Variants in CLYBL observed in about 807,000 individuals in gnomAD.
The protein encoded by CLYBL is citramalyl-CoA lyase.
A neutral mutation model predicts 38.9 loss-of-function variants in CLYBL; 31 were observed. The observed-to-expected ratio is 0.80, with a 90% CI of 0.60 to 1.08. The LOEUF (loss-of-function observed/expected upper bound fraction) is 1.08, where lower values mean the gene tolerates loss of function less well. Ranked by LOEUF, CLYBL falls within the 50% of genes least tolerant of loss-of-function variation. The probability of loss-of-function intolerance (pLI) is 0.00; values close to 1 mark genes in which losing one functional copy is unlikely to be tolerated. For missense variants in CLYBL, 434 were observed against 411.6 expected (o/e 1.05, Z -0.47); for synonymous variants, 171 against 158.6 (o/e 1.08, Z -0.59).
chr13:99,860,966 G>A (rs1019426807), intron 3 of CLYBL, among the ~76,000 whole-genome samples: 1 of 152,128 alleles, frequency 6.6e-6, no homozygotes, highest in East Asian at 1.9e-4. Flanking sequence ...CACAAATCCC[G>A]AACAGTGTGC....
intron 1 of CLYBL, among the ~76,000 whole-genome samples, chr13:99,724,405 C>G (rs1405392180): frequency 6.6e-6 from 1 of 152,044 alleles, no homozygotes; most frequent in Non-Finnish European, 1.5e-5. Flanking sequence ...TCAACAAACA[C>G]TTTGAGGAAA....
intron 9 of CLYBL, among the ~76,000 whole-genome samples, chr13:99,906,644 G>A (rs2052701401): frequency 6.6e-6 from 1 of 152,026 alleles, no homozygotes; most frequent in African/African-American, 2.4e-5. Context: ...GGCTGGTCTC[G>A]AGCTCCTGAC....
At chr13:99,866,146 T>A (rs2390354) in intron 5 of CLYBL, 94 bp from the exon 6 acceptor site, 941,566 of 1,236,366 alleles carry the variant, frequency 0.76, 360,775 homozygotes, top group East Asian at 0.98. Flanking sequence ...CCAGGGAGGT[T>A]TAGATATCTG....
At chr13:99,817,740 T>C (rs1425828784) in intron 2 of CLYBL, among the ~76,000 whole-genome samples, 9 of 151,016 alleles carry the variant, frequency 6.0e-5, no homozygotes, top group Non-Finnish European at 1.2e-4. Context: ...TGGTGGCTCA[T>C]GCCTATAATC....
At chr13:99,858,837 T>C in intron 2 of CLYBL, 24 bp from the exon 3 acceptor site, 1 of 1,554,698 alleles carries the variant, frequency 6.4e-7, no homozygotes, top group East Asian at 2.3e-5. Context: ...AAATAAACAA[T>C]AAACTTTTTA....
chr13:99,636,144 T>C (rs1030592479), intron 1 of CLYBL, among the ~76,000 whole-genome samples: 1 of 152,200 alleles, frequency 6.6e-6, no homozygotes, highest in Admixed American at 6.5e-5. Context: ...TTCAAAGCTT[T>C]ATATATATTT....
At chr13:99,823,425 G>A (rs2050624976) in intron 2 of CLYBL, among the ~76,000 whole-genome samples, 1 of 152,152 alleles carries the variant, frequency 6.6e-6, no homozygotes. Flanking sequence ...GATCACACAA[G>A]ATATTTTCAT....
chr13:99,800,894 C>CAAA (rs1389621348), intron 2 of CLYBL, among the ~76,000 whole-genome samples: 1 of 114,506 alleles, frequency 8.7e-6, no homozygotes, highest in Non-Finnish European at 2.0e-5. Flanking sequence ...ACAACAACAA[C>CAAA]AAAAAAAAAA....
chr13:99,716,593 A>T (rs1440207733), intron 1 of CLYBL, among the ~76,000 whole-genome samples: 1 of 151,422 alleles, frequency 6.6e-6, no homozygotes, highest in African/African-American at 2.4e-5. Context: ...CATGTTGGTC[A>T]GGCTGGTCTC....
At chr13:99,821,143 TC>T (rs1488356057) in intron 2 of CLYBL, among the ~76,000 whole-genome samples, 1 of 152,222 alleles carries the variant, frequency 6.6e-6, no homozygotes, top group Non-Finnish European at 1.5e-5. Flanking sequence ...GATTGGGGTT[TC>T]CGGATGGGCT....
At chr13:99,806,946 G>A (rs928525674) in intron 2 of CLYBL, among the ~76,000 whole-genome samples, 8 of 152,214 alleles carry the variant, frequency 5.3e-5, no homozygotes, top group African/African-American at 1.9e-4. Flanking sequence ...CTACATTCTC[G>A]TGTTATGTGG....
chr13:99,781,997 T>C (rs1041370607), intron 2 of CLYBL, among the ~76,000 whole-genome samples: 7 of 152,226 alleles, frequency 4.6e-5, no homozygotes, highest in Non-Finnish European at 1.0e-4. Context: ...AATATTTTAG[T>C]TATCTCTCTT....
intron 2 of CLYBL, among the ~76,000 whole-genome samples, chr13:99,820,469 T>TC (rs2050567133): frequency 6.9e-6 from 1 of 144,340 alleles, no homozygotes; most frequent in Non-Finnish European, 1.5e-5. Context: ...TTTGCCTACC[T>TC]CCCCCCGACT....
At chr13:99,711,667 A>C (rs2048235462) in intron 1 of CLYBL, among the ~76,000 whole-genome samples, 1 of 151,608 alleles carries the variant, frequency 6.6e-6, no homozygotes, top group South Asian at 2.1e-4. Context: ...CAGCCTCCCA[A>C]AGTGCTGGGA....
At chr13:99,680,385 G>A (rs1157191844) in intron 1 of CLYBL, among the ~76,000 whole-genome samples, 1 of 152,212 alleles carries the variant, frequency 6.6e-6, no homozygotes, top group African/African-American at 2.4e-5. Flanking sequence ...TTAGCCTGAT[G>A]AGATGGCATT....
intron 7 of CLYBL, among the ~76,000 whole-genome samples, chr13:99,886,423 G>A (rs1053207214): frequency 6.6e-6 from 1 of 152,192 alleles, no homozygotes; most frequent in Non-Finnish European, 1.5e-5. Flanking sequence ...TCTGATCCAC[G>A]GGCAATGGCC....
intron 1 of CLYBL, among the ~76,000 whole-genome samples, chr13:99,719,253 C>T (rs993800171): frequency 1.3e-5 from 2 of 149,444 alleles, no homozygotes; most frequent in African/African-American, 4.9e-5. Context: ...CACATGATCT[C>T]CCTGCCTCAG....
In CLYBL at chr13:99,723,423, T is replaced by C. The variant is rs540894283; in HGVS notation, c.63-49401T>C. Among the ~76,000 whole-genome samples the C allele has an allele frequency of 5.9e-5, 9 of 152,358 alleles. No individual in the cohort carries two copies. In the East Asian group the frequency reaches 1.7e-3, roughly 29 times the overall value. On this transcript the variant is annotated intron_variant, in intron 1 of 8. Coordinates refer to ENST00000339105, the MANE Select transcript of CLYBL (RefSeq NM_206808.5). ...GCATTAAATTATGAGCTTTCTTCTT[T>C]TATATTAAATGTTTACAAACAGTAT...
intron 1 of CLYBL, among the ~76,000 whole-genome samples, chr13:99,657,198 G>C (rs933122592): frequency 2.0e-5 from 3 of 152,274 alleles, no homozygotes; most frequent in Admixed American, 2.0e-4. Context: ...GGAAATTCTG[G>C]TTTGCAGCCA....
Sources: allele counts gnomAD v4.1 joint callset (sites outside exome capture counted in the v4.1 genomes callset), GRCh38; gene constraint gnomAD v4.1.1; transcripts MANE v1.5; gene names NCBI Gene and HGNC (gene_info 2026-07-23, HGNC 2026-07-21).